The following RAP1GAP2 variants were observed in gnomAD, a reference collection of about 807,000 sequenced individuals.
RAP1GAP2 encodes the protein RAP1 GTPase activating protein 2, also known as rap1 GTPase-activating protein 2.
In RAP1GAP2, 27 loss-of-function variants were observed where a neutral mutation model predicts 95.0. That is an observed-to-expected ratio of 0.28 (90% confidence interval 0.21 to 0.39). RAP1GAP2 has a LOEUF of 0.39. RAP1GAP2 is among the 10% of genes least tolerant of loss of function. RAP1GAP2 has a pLI of 1.00. For missense variants in RAP1GAP2, 771 were observed against 970.0 expected (o/e 0.79, Z 2.72); for synonymous variants, 373 against 380.9 (o/e 0.98, Z 0.24).
At chr17:2,967,037 G>A (rs796807676) in intron 8 of RAP1GAP2, among the ~76,000 whole-genome samples, 2 of 152,290 alleles carry the variant, frequency 1.3e-5, no homozygotes, top group African/African-American at 4.8e-5. Context: ...AAAAGTAGGT[G>A]AATATTGAGA....
At chr17:2,919,765 C>T (rs183268524) in intron 3 of RAP1GAP2, among the ~76,000 whole-genome samples, 296 of 152,164 alleles carry the variant, frequency 1.9e-3, no homozygotes, top group Non-Finnish European at 3.6e-3. Flanking sequence ...TGCAGTAGCG[C>T]GATCTCGGCT....
intron 2 of RAP1GAP2, among the ~76,000 whole-genome samples, chr17:2,814,219 G>A (rs9893147): frequency 0.2 from 30,314 of 152,090 alleles, 3,563 homozygotes; most frequent in African/African-American, 0.33. Context: ...CCAGCTGGGT[G>A]ACCTTGGACA....
chr17:2,978,033 T>G (rs2045202457), intron 8 of RAP1GAP2, among the ~76,000 whole-genome samples: 1 of 152,130 alleles, frequency 6.6e-6, no homozygotes, highest in Non-Finnish European at 1.5e-5. Context: ...CACCCACACA[T>G]GTCATCCTCT....
Position 2,796,472 on chromosome 17 carries a change from A to G in RAP1GAP2, c.-56A>G. ...GCTGTACCACGGCCCTCTTGCGGAC[A>G]GCCCCGGGGACGTCGTTGGGACATC... On this transcript the variant is annotated 5_prime_UTR_variant, in exon 1 of 25. Transcript: ENST00000254695. This position sits in a 1 kb window ranked among gnomAD's most constrained non-coding sequence, Gnocchi z 4.7. 2 of 1,546,990 alleles carry G rather than the reference A, an allele frequency of 1.3e-6. No individual in the cohort carries two copies. The highest frequency in any genetic ancestry group is 1.2e-5 in the South Asian group (1 of 83,970).
rs1028174532 is a variant in RAP1GAP2, at chr17:3,004,164, G to A, written c.1201-1205G>A. 4.6e-5 allele frequency among the ~76,000 whole-genome samples: 7 copies of A among 152,214 alleles called. No homozygotes were observed. The highest frequency in any genetic ancestry group is 7.3e-5 in the Non-Finnish European group (5 of 68,034). On this transcript the variant is annotated intron_variant, in intron 14 of 24. Transcript: ENST00000254695. The surrounding 1 kb of genome is among the most constrained non-coding windows in gnomAD (Gnocchi z 4.1). Reference sequence around the variant, plus strand: ...GACCTGGGCCACCGGTGCCTGGTGGGTGGTGGTAGGGAACCGGGTTCAGCT... The same window carrying A: ...GACCTGGGCCACCGGTGCCTGGTGGATGGTGGTAGGGAACCGGGTTCAGCT...
At chr17:2,959,434 G>A (rs1411807146) in intron 4 of RAP1GAP2, among the ~76,000 whole-genome samples, 1 of 152,170 alleles carries the variant, frequency 6.6e-6, no homozygotes, top group African/African-American at 2.4e-5. Flanking sequence ...CCAAATTTCT[G>A]GGTGTTTAAG....
rs1426539702 is a variant in RAP1GAP2, at chr17:3,008,206, G to C, written c.1494+61G>C. ...GTTGGGATTGGGGAAGAAAGGAAGT[G>C]GTCCAAGGTCCATGGGATACTGATC... On this transcript the variant is annotated intron_variant, in intron 17 of 24. Coordinates refer to ENST00000254695, the MANE Select transcript of RAP1GAP2 (RefSeq NM_015085.5). This position sits in a 1 kb window ranked among gnomAD's most constrained non-coding sequence, Gnocchi z 4.2. 1 of 1,603,236 alleles carries C rather than the reference G, an allele frequency of 6.2e-7. No individual in the cohort carries two copies. The highest frequency in any genetic ancestry group is 1.3e-5 in the African/African-American group (1 of 74,742).
At chr17:2,778,521 C>T (rs937620522) in intron 1 of RAP1GAP2, among the ~76,000 whole-genome samples, 6 of 152,128 alleles carry the variant, frequency 3.9e-5, no homozygotes, top group African/African-American at 1.4e-4. Flanking sequence ...GCTCTCCTCA[C>T]CCTCTTTCCC....
intron 2 of RAP1GAP2, among the ~76,000 whole-genome samples, chr17:2,838,333 A>C (rs566091963): frequency 1.3e-5 from 2 of 151,788 alleles, no homozygotes; most frequent in Non-Finnish European, 2.9e-5. Context: ...TTCCTTCTTG[A>C]TGGGGCTGAC....
At chr17:3,019,165 G>A (rs1368243603) in intron 18 of RAP1GAP2, among the ~76,000 whole-genome samples, 2 of 152,172 alleles carry the variant, frequency 1.3e-5, no homozygotes, top group African/African-American at 4.8e-5. Context: ...CCAAGGGAAG[G>A]GTCCTGCAGG....
chr17:2,759,537 G>A (rs1288964940), intron 1 of RAP1GAP2, among the ~76,000 whole-genome samples: 3 of 152,070 alleles, frequency 2.0e-5, no homozygotes, highest in South Asian at 2.1e-4. Context: ...TGCAACCTCC[G>A]CCTCCCAGGT....
At chr17:2,894,532 A>G (rs904734292) in intron 2 of RAP1GAP2, among the ~76,000 whole-genome samples, 2 of 151,784 alleles carry the variant, frequency 1.3e-5, no homozygotes, top group East Asian at 1.9e-4. Flanking sequence ...TTCTTGTTAC[A>G]CCTGTCTTTC....
At chr17:2,962,866 T>C (rs1292566602) in intron 5 of RAP1GAP2, 152 bp downstream of exon 5, 4 of 712,684 alleles carry the variant, frequency 5.6e-6, no homozygotes, top group Non-Finnish European at 9.0e-6. Context: ...ACTGCCTTGT[T>C]AGACCAGTGC....
Position 2,866,406 on chromosome 17 carries a change from C to T in RAP1GAP2, c.81-38878C>T, listed in dbSNP as rs1311477354. ...CCCTGCTCCCCGCCTCCCCTAGACTCAGGGCAGTTGGTACCCCAGTTAGAA... is the reference window on the plus strand; with the variant it reads ...CCCTGCTCCCCGCCTCCCCTAGACTTAGGGCAGTTGGTACCCCAGTTAGAA... On this transcript the variant is annotated intron_variant, in intron 2 of 24. Transcript: ENST00000254695. The surrounding 1 kb of genome is among the most constrained non-coding windows in gnomAD (Gnocchi z 4.0). Among the ~76,000 whole-genome samples, 1 of 152,182 alleles carries T rather than the reference C, an allele frequency of 6.6e-6. No individual in the cohort carries two copies. The highest frequency in any genetic ancestry group is 1.5e-5 in the Non-Finnish European group (1 of 68,028).
intron 1 of RAP1GAP2, among the ~76,000 whole-genome samples, chr17:2,756,916 A>G (rs1411140616): frequency 1.3e-5 from 2 of 152,130 alleles, no homozygotes; most frequent in African/African-American, 2.4e-5. Flanking sequence ...CTTGCTCAGG[A>G]GCTTAACTTT....
chr17:2,755,764 G>T (rs998703642), exon 1 of RAP1GAP2: 1 of 355,904 alleles, frequency 2.8e-6, no homozygotes, highest in Admixed American at 4.7e-5. Flanking sequence ...CAGCTGGTGC[G>T]CTGGTGAGTG....
At chr17:2,798,843 T>A (rs1324008876) in intron 1 of RAP1GAP2, among the ~76,000 whole-genome samples, 1 of 152,200 alleles carries the variant, frequency 6.6e-6, no homozygotes. Context: ...GAACCAGGGC[T>A]GCTGTGACCA....
chr17:2,882,426 G>A (rs1378082073), intron 2 of RAP1GAP2, among the ~76,000 whole-genome samples: 2 of 151,964 alleles, frequency 1.3e-5, no homozygotes, highest in South Asian at 4.1e-4. Context: ...CAAGTAGCTG[G>A]GGTTACAGGC....
intron 13 of RAP1GAP2, among the ~76,000 whole-genome samples, chr17:2,995,823 G>A (rs2045934801): frequency 6.6e-6 from 1 of 152,188 alleles, no homozygotes; most frequent in South Asian, 2.1e-4. Flanking sequence ...GGCAGAGCCT[G>A]GGGGCCCTGG....
Sources: allele counts gnomAD v4.1 joint callset (sites outside exome capture counted in the v4.1 genomes callset), GRCh38; gene constraint gnomAD v4.1.1; non-coding constraint Gnocchi (gnomAD v3.1); transcripts MANE v1.5; gene names NCBI Gene and HGNC (gene_info 2026-07-23, HGNC 2026-07-21).